ERI3: variants seen among roughly 807,000 people sequenced by gnomAD.
The protein encoded by ERI3 is ERI1 exoribonuclease family member 3.
In ERI3, 18 loss-of-function variants were observed where a neutral mutation model predicts 44.4. That is an observed-to-expected ratio of 0.41 (90% CI 0.28 to 0.60). The LOEUF (loss-of-function observed/expected upper bound fraction) is 0.60, where lower values mean the gene tolerates loss of function less well. Ranked by LOEUF, ERI3 falls within the 20% of genes least tolerant of loss-of-function variation. The probability of loss-of-function intolerance (pLI) is 0.36; values close to 1 mark genes in which losing one functional copy is unlikely to be tolerated. For synonymous variants in ERI3, 183 were observed against 164.8 expected, an observed-to-expected ratio of 1.11 and a Z score of -0.84; for missense variants, 294 against 435.5, an observed-to-expected ratio of 0.68 and a Z score of 2.89.
chr1:44,221,512 T>C lies in ERI3; in HGVS notation c.*46A>G, dbSNP rs745415422. On this transcript the variant is annotated 3_prime_UTR_variant, in exon 9 of 9. Transcript: ENST00000372257. This position sits in a 1 kb window ranked among gnomAD's most constrained non-coding sequence, Gnocchi z 5.9. ...GGTGAGGGAGAGGAGGATTCTGGGC[T>C]GGGCCAAACAGCTACCCTGTCCTGC... The C allele has an allele frequency of 6.6e-7, 1 of 1,506,708 alleles. No individual in the cohort carries two copies. Among genetic ancestry groups the C allele is most frequent in the East Asian group, 2.3e-5 (1 of 44,394 alleles). The allele number at this position is 1,506,708 out of a possible 1,614,324, so 93.3% of individuals were successfully genotyped here. A position where few individuals can be genotyped will look rare whatever the true frequency, so the allele number is the denominator to read the frequency against.
chr1:44,313,238 A>T lies in ERI3; in HGVS notation c.607-10T>A. ...GAATAATCCCGGTGAGCTGAAAGGAAAGAGAAATAGCCGATGGGTAGAAAA... is the reference window on the plus strand; with the variant it reads ...GAATAATCCCGGTGAGCTGAAAGGATAGAGAAATAGCCGATGGGTAGAAAA... On this transcript the variant is annotated splice_polypyrimidine_tract_variant and intron_variant, in intron 4 of 8. Coordinates refer to ENST00000372257, the MANE Select transcript of ERI3 (RefSeq NM_024066.3). The T allele has an allele frequency of 1.2e-6, 2 of 1,613,934 alleles. No individual in the cohort carries two copies. The highest frequency in any genetic ancestry group is 1.7e-6 in the Non-Finnish European group (2 of 1,179,900).
intron 3 of ERI3, chr1:44,322,847 G>A: frequency 6.5e-7 from 1 of 1,548,120 alleles, no homozygotes; most frequent in Non-Finnish European, 8.7e-7. Flanking sequence ...TGCAGCCAGG[G>A]CACCTGAAGC....
intron 6 of ERI3, among the ~76,000 whole-genome samples, chr1:44,297,734 T>C (rs920799254): frequency 6.6e-6 from 1 of 152,168 alleles, no homozygotes; most frequent in Non-Finnish European, 1.5e-5. Context: ...ATGTCTCCAT[T>C]ACCCTGGCTG....
chr1:44,354,121 A>G (rs1023456798), intron 1 of ERI3: 2 of 985,368 alleles, frequency 2.0e-6, no homozygotes, highest in African/African-American at 3.5e-5. Flanking sequence ...AAACTCTACA[A>G]TCAAAACTCA....
At position 44,221,252 on chromosome 1, in the gene ERI3, T is replaced by C. The variant is rs72686061; in HGVS notation, c.*306A>G. On this transcript the variant is annotated 3_prime_UTR_variant, in exon 9 of 9. Coordinates refer to ENST00000372257, the MANE Select transcript of ERI3 (RefSeq NM_024066.3). The surrounding 1 kb of genome is among the most constrained non-coding windows in gnomAD (Gnocchi z 5.9). ...GGCTTGGTGGCCCCACAGAAGCCTG[T>C]GTACCAGGGAGGAGGCGGTGAGTGC... The C allele has an allele frequency of 5.3e-5, 22 of 412,618 alleles. No homozygotes were observed. Among genetic ancestry groups the C allele is most frequent in the Non-Finnish European group, 7.6e-5 (17 of 225,124 alleles). The allele number at this position is 412,618 out of a possible 1,614,324, so 25.6% of individuals were successfully genotyped here. A position where few individuals can be genotyped will look rare whatever the true frequency, so the allele number is the denominator to read the frequency against.
At chr1:44,336,422 A>C (rs1311519457) in intron 3 of ERI3, among the ~76,000 whole-genome samples, 3 of 152,238 alleles carry the variant, frequency 2.0e-5, no homozygotes, top group Non-Finnish European at 4.4e-5. Context: ...TCCAACACAG[A>C]TGTCTGGCCC....
intron 2 of ERI3, among the ~76,000 whole-genome samples, chr1:44,340,645 T>C (rs1204089481): frequency 6.6e-6 from 1 of 152,226 alleles, no homozygotes; most frequent in African/African-American, 2.4e-5. Context: ...TGCCTATATA[T>C]ATAGTAGGAT....
chr1:44,329,081 G>C (rs1646376132), intron 3 of ERI3, among the ~76,000 whole-genome samples: 1 of 152,172 alleles, frequency 6.6e-6, no homozygotes, highest in Non-Finnish European at 1.5e-5. Context: ...AGAGTGCTCA[G>C]CACACTATTG....
Position 44,352,844 on chromosome 1 carries a change from T to C in ERI3, c.211+6A>G, listed in dbSNP as rs750838094. The C allele has an allele frequency of 6.2e-7, 1 of 1,614,102 alleles. No individual in the cohort carries two copies. Among genetic ancestry groups the C allele is most frequent in the Non-Finnish European group, 8.5e-7 (1 of 1,179,998 alleles). On this transcript the variant is annotated splice_donor_region_variant and intron_variant, in intron 2 of 8. Transcript: ENST00000372257. Reference sequence around the variant, plus strand: ...GCCAGACTTGACCATGCAACAGGATTCTCACCTCTCCTTACTTCGAAGATG... The same window carrying C: ...GCCAGACTTGACCATGCAACAGGATCCTCACCTCTCCTTACTTCGAAGATG...
intron 4 of ERI3, 60 bp from the exon 5 acceptor site, chr1:44,313,288 A>C: frequency 6.7e-7 from 1 of 1,490,146 alleles, no homozygotes; most frequent in Non-Finnish European, 9.3e-7. Flanking sequence ...CTCAAGGCTG[A>C]ACAGGACCCC....
chr1:44,256,859 G>C (rs1202949481), intron 7 of ERI3: 1 of 152,288 alleles, frequency 6.6e-6, no homozygotes, highest in Non-Finnish European at 1.5e-5. Context: ...GGGCCTTGGG[G>C]ACAGTGAAGT....
At chr1:44,222,354 T>C (rs1323506341) in intron 8 of ERI3, among the ~76,000 whole-genome samples, 1 of 152,232 alleles carries the variant, frequency 6.6e-6, no homozygotes, top group Non-Finnish European at 1.5e-5. Context: ...CAAACCCTCC[T>C]GTATACATCG....
At chr1:44,297,955 A>T (rs1022932530) in intron 6 of ERI3, among the ~76,000 whole-genome samples, 1 of 152,264 alleles carries the variant, frequency 6.6e-6, no homozygotes, top group Non-Finnish European at 1.5e-5. Context: ...GAAAAGGAAG[A>T]TAAAAGGCCA....
chr1:44,354,298 G>T (rs1305498337), intron 1 of ERI3: 2 of 985,338 alleles, frequency 2.0e-6, no homozygotes, highest in South Asian at 4.7e-5. Context: ...GGCACTATTT[G>T]TTGCAAAATC....
At chr1:44,248,401 C>A (rs928466525) in intron 7 of ERI3, among the ~76,000 whole-genome samples, 1 of 152,140 alleles carries the variant, frequency 6.6e-6, no homozygotes, top group Non-Finnish European at 1.5e-5. Flanking sequence ...CTTTCCGGAG[C>A]CCCCAGCACT....
In ERI3 at chr1:44,301,460, C is replaced by T. The variant is rs905312497; in HGVS notation, c.758+6850G>A. On this transcript the variant is annotated intron_variant, in intron 6 of 8. Coordinates refer to ENST00000372257, the MANE Select transcript of ERI3 (RefSeq NM_024066.3). ...TTTTCTGCTTTTGTGGTAAGCAATA[C>T]CCTCATTCCTTACCTCAGAGAAGGA... Among the ~76,000 whole-genome samples, 5 of 152,306 alleles carry T rather than the reference C, an allele frequency of 3.3e-5. No individual in the cohort carries two copies. In the South Asian group the frequency reaches 1.0e-3, roughly 32 times the overall value.
rs567457503 is a variant in ERI3 at position 44,236,478 on chromosome 1, C to T, written c.931+11461G>A. 1.7e-3 allele frequency among the ~76,000 whole-genome samples: 255 copies of T among 152,168 alleles called. 1 individual carries two copies. Among genetic ancestry groups the T allele is most frequent in the African/African-American group, 5.9e-3 (245 of 41,504 alleles). On this transcript the variant is annotated intron_variant, in intron 8 of 8. Transcript: ENST00000372257. ...CGGGGAAAGGGGGACTTGATCAAGTCTAGGAGTCAGGGAAAGCATTCCTGA... is the reference window on the plus strand; with the variant it reads ...CGGGGAAAGGGGGACTTGATCAAGTTTAGGAGTCAGGGAAAGCATTCCTGA...
At chr1:44,344,842 G>A (rs1340345886) in intron 2 of ERI3, among the ~76,000 whole-genome samples, 1 of 152,170 alleles carries the variant, frequency 6.6e-6, no homozygotes, top group Admixed American at 6.5e-5. Flanking sequence ...GGAGGAAAAT[G>A]AATGATTCTC....
intron 8 of ERI3, among the ~76,000 whole-genome samples, chr1:44,237,647 C>G (rs978822383): frequency 1.9e-4 from 29 of 152,198 alleles, no homozygotes; most frequent in African/African-American, 7.0e-4. Context: ...CACCCTAGCT[C>G]TCTAGAACAA....
Sources: gnomAD v4.1 joint callset for allele counts (sites outside exome capture counted in the v4.1 genomes callset) on GRCh38, gnomAD v4.1.1 for gene constraint, Gnocchi (gnomAD v3.1) non-coding constraint, MANE v1.5 for transcripts, NCBI Gene and HGNC (gene_info 2026-07-23, HGNC 2026-07-21) for gene names.